TMCO6: variants seen among roughly 807,000 people sequenced by gnomAD.
TMCO6 encodes transmembrane and coiled-coil domains 6.
A neutral mutation model predicts 61.8 loss-of-function variants in TMCO6; 47 were observed. That is an observed-to-expected ratio of 0.76 (90% CI 0.60 to 0.97). TMCO6 has a LOEUF of 0.97. TMCO6 is among the 50% of genes least tolerant of loss of function. TMCO6 has a pLI of 0.00. For missense variants in TMCO6, 557 were observed against 601.6 expected, an observed-to-expected ratio of 0.93 and a Z score of 0.78; for synonymous variants, 261 against 254.2, an observed-to-expected ratio of 1.03 and a Z score of -0.25.
chr5:140,600,236 G>T, the TMCO6 span, among the ~76,000 whole-genome samples: 1 of 152,070 alleles, frequency 6.6e-6, no homozygotes, highest in African/African-American at 2.4e-5. Context: ...CCTGCAAATG[G>T]GAATTCTCTG....
the TMCO6 span, among the ~76,000 whole-genome samples, chr5:140,605,565 A>G: frequency 6.6e-6 from 1 of 152,072 alleles, no homozygotes; most frequent in Non-Finnish European, 1.5e-5. Context: ...CTGTAATCCC[A>G]GCTACTTGGG....
rs1757325667 is a variant in TMCO6, at chr5:140,645,208, C to T, written c.*110C>T. 2.7e-6 allele frequency: 3 copies of T among 1,125,130 alleles called. No homozygotes were observed. Among genetic ancestry groups the T allele is most frequent in the Non-Finnish European group, 3.9e-6 (3 of 769,368 alleles). The allele number at this position is 1,125,130 out of a possible 1,614,324, so 69.7% of individuals were successfully genotyped here. A position where few individuals can be genotyped will look rare whatever the true frequency, so the allele number is the denominator to read the frequency against. ...AATGAGGTCTCATGTTCTCTGCTCC[C>T]ACACCTAAGCCAAGACCTTTGGGTC... On this transcript the variant is annotated 3_prime_UTR_variant, in exon 12 of 12. Coordinates refer to ENST00000394671, the MANE Select transcript of TMCO6 (RefSeq NM_018502.5).
chr5:140,618,337 G>A, the TMCO6 span, among the ~76,000 whole-genome samples: 1 of 152,200 alleles, frequency 6.6e-6, no homozygotes, highest in African/African-American at 2.4e-5. Flanking sequence ...GCTGAGACAA[G>A]AGAATTGTCT....
At chr5:140,614,227 G>A in the TMCO6 span, among the ~76,000 whole-genome samples, 6 of 151,198 alleles carry the variant, frequency 4.0e-5, no homozygotes, top group African/African-American at 9.7e-5. Flanking sequence ...CAACAAATGC[G>A]GCCAGGCACA....
At chr5:140,599,275 C>T in the TMCO6 span, among the ~76,000 whole-genome samples, 1 of 152,232 alleles carries the variant, frequency 6.6e-6, no homozygotes, top group Non-Finnish European at 1.5e-5. Flanking sequence ...CAATCACCTT[C>T]CAATCCAGGA....
At chr5:140,620,804 A>T in the TMCO6 span, among the ~76,000 whole-genome samples, 1 of 152,202 alleles carries the variant, frequency 6.6e-6, no homozygotes, top group South Asian at 2.1e-4. Context: ...TGAGCCCAGG[A>T]GTTCGAGCCC....
the TMCO6 span, among the ~76,000 whole-genome samples, chr5:140,627,134 G>A: frequency 6.7e-5 from 10 of 150,128 alleles, no homozygotes; most frequent in African/African-American, 2.2e-4. Flanking sequence ...CTTTCCTTAC[G>A]CACTTTCCAT....
intron 7 of TMCO6, 40 bp downstream of exon 7, chr5:140,643,081 G>A (rs1291395895): frequency 5.1e-5 from 82 of 1,613,252 alleles, no homozygotes; most frequent in Non-Finnish European, 6.4e-5. Flanking sequence ...ATCTTCCCTG[G>A]GGCTCCCTTC....
chr5:140,627,107 T>A, the TMCO6 span, among the ~76,000 whole-genome samples: 18 of 152,196 alleles, frequency 1.2e-4, no homozygotes, highest in Admixed American at 1.0e-3. Flanking sequence ...TATAATCTTT[T>A]GCCAAAAACA....
At chr5:140,624,046 A>G in the TMCO6 span, among the ~76,000 whole-genome samples, 1 of 152,188 alleles carries the variant, frequency 6.6e-6, no homozygotes, top group African/African-American at 2.4e-5. Flanking sequence ...GTTGTGATTC[A>G]CAACAAATAA....
chr5:140,629,555 T>C, the TMCO6 span, among the ~76,000 whole-genome samples: 2 of 152,276 alleles, frequency 1.3e-5, no homozygotes, highest in South Asian at 4.1e-4. Context: ...TTGGGTCCCA[T>C]CCAAATCTAT....
the TMCO6 span, among the ~76,000 whole-genome samples, chr5:140,598,021 C>T: frequency 6.6e-6 from 1 of 151,376 alleles, no homozygotes; most frequent in Non-Finnish European, 1.5e-5. Context: ...CATACCAACA[C>T]CCTCCCTCAA....
chr5:140,628,336 A>G, the TMCO6 span, among the ~76,000 whole-genome samples: 1 of 152,082 alleles, frequency 6.6e-6, no homozygotes, highest in Non-Finnish European at 1.5e-5. Flanking sequence ...ACCTCCTGAA[A>G]TTGCGGCCCA....
chr5:140,616,142 AAAG>A, the TMCO6 span, among the ~76,000 whole-genome samples: 76,410 of 150,194 alleles, frequency 0.51, 19,549 homozygotes, highest in Non-Finnish European at 0.51. Flanking sequence ...AAGAAAAAAA[AAAG>A]AAGAAGAAAG....
intron 11 of TMCO6, 51 bp downstream of exon 11, chr5:140,644,791 A>G (rs1351255721): frequency 5.0e-6 from 8 of 1,599,170 alleles, no homozygotes; most frequent in Non-Finnish European, 6.8e-6. Flanking sequence ...GAAGCCACAC[A>G]GTGGCTCCCT....
intron 2 of TMCO6, chr5:140,640,919 T>C (rs1018931158): frequency 6.6e-6 from 1 of 151,964 alleles, no homozygotes; most frequent in Non-Finnish European, 1.5e-5. Context: ...ATTTGTATTA[T>C]GTTTACGTAC....
Position 140,639,476 on chromosome 5 carries a change from C to CT in TMCO6, c.-51dup. Reference sequence around the variant, plus strand: ...GCAGTCGGTGCCATCTTCTACGCCCCTGGGAGCGTTGTGGCTGCTGTTTCC... The same window carrying CT: ...GCAGTCGGTGCCATCTTCTACGCCCCTTGGGAGCGTTGTGGCTGCTGTTTCC... On this transcript the variant is annotated 5_prime_UTR_variant, in exon 1 of 12. Transcript: ENST00000394671. 1.3e-6 allele frequency: 2 copies of CT among 1,527,022 alleles called. No individual in the cohort carries two copies. The highest frequency in any genetic ancestry group is 1.8e-6 in the Non-Finnish European group (2 of 1,126,910). The allele number at this position is 1,527,022 out of a possible 1,614,324, so 94.6% of individuals were successfully genotyped here.
At chr5:140,598,962 G>C in the TMCO6 span, among the ~76,000 whole-genome samples, 2 of 152,088 alleles carry the variant, frequency 1.3e-5, no homozygotes, top group African/African-American at 4.8e-5. Flanking sequence ...AAAAACCAAA[G>C]TAAGTGTCTA....
the TMCO6 span, among the ~76,000 whole-genome samples, chr5:140,630,316 A>AT: frequency 0.33 from 48,635 of 149,406 alleles, 8,274 homozygotes; most frequent in African/African-American, 0.43. Context: ...TTTAAAAAAA[A>AT]TTTTTTTTTT....
Sources: gnomAD v4.1 joint callset for allele counts (sites outside exome capture counted in the v4.1 genomes callset) on GRCh38, gnomAD v4.1.1 for gene constraint, MANE v1.5 for transcripts, NCBI Gene and HGNC (gene_info 2026-07-23, HGNC 2026-07-21) for gene names.